PEX5L: variants seen among roughly 807,000 people sequenced by gnomAD.
PEX5L encodes peroxisomal biogenesis factor 5 like.
In PEX5L, 30 loss-of-function variants were observed where a neutral mutation model predicts 84.0. That is an observed-to-expected ratio of 0.36 (90% CI 0.27 to 0.48). The LOEUF (loss-of-function observed/expected upper bound fraction) is 0.48, where lower values mean the gene tolerates loss of function less well. Among genes scored for constraint, PEX5L ranks in the 20% least tolerant of loss-of-function variants. PEX5L has a pLI of 0.99. For synonymous variants in PEX5L, 270 were observed against 283.1 expected (o/e 0.95, Z 0.46); for missense variants, 533 against 754.6 (o/e 0.71, Z 3.44).
intron 2 of PEX5L, among the ~76,000 whole-genome samples, chr3:179,961,761 C>T (rs1782101882): frequency 6.6e-6 from 1 of 152,152 alleles, no homozygotes; most frequent in South Asian, 2.1e-4. Context: ...GTTTTCAAAG[C>T]CCTTCTGACA....
At chr3:179,850,078 T>A (rs911226990) in intron 8 of PEX5L, among the ~76,000 whole-genome samples, 1 of 152,166 alleles carries the variant, frequency 6.6e-6, no homozygotes, top group South Asian at 2.1e-4. Flanking sequence ...CCCTCTTTTT[T>A]AACTGATCAC....
At chr3:179,909,335 G>A (rs986720163) in intron 2 of PEX5L, among the ~76,000 whole-genome samples, 2 of 152,138 alleles carry the variant, frequency 1.3e-5, no homozygotes, top group Admixed American at 6.5e-5. Context: ...AGAGCAGAGA[G>A]ACTTAAATAT....
intron 8 of PEX5L, among the ~76,000 whole-genome samples, chr3:179,853,247 C>T (rs1742617026): frequency 6.6e-6 from 1 of 152,122 alleles, no homozygotes; most frequent in Non-Finnish European, 1.5e-5. Flanking sequence ...AGTGCCTGGC[C>T]CATGGAAGCA....
intron 1 of PEX5L, among the ~76,000 whole-genome samples, chr3:180,008,866 G>C (rs1364493686): frequency 6.6e-6 from 1 of 152,130 alleles, no homozygotes; most frequent in African/African-American, 2.4e-5. Context: ...AGAGAATATG[G>C]GTGGGGAGAC....
chr3:179,935,978 AT>A (rs1210544123), intron 2 of PEX5L, among the ~76,000 whole-genome samples: 34 of 152,296 alleles, frequency 2.2e-4, no homozygotes, highest in African/African-American at 7.7e-4. Flanking sequence ...AGCTGAGCAG[AT>A]GCCAGCACCA....
intron 1 of PEX5L, among the ~76,000 whole-genome samples, chr3:179,984,661 T>C (rs544147034): frequency 1.3e-5 from 2 of 152,338 alleles, no homozygotes; most frequent in African/African-American, 4.8e-5. Flanking sequence ...TTGTTTTTCC[T>C]TTCTCTAATA....
At chr3:179,877,961 C>A (rs989699348) in intron 5 of PEX5L, among the ~76,000 whole-genome samples, 2 of 151,350 alleles carry the variant, frequency 1.3e-5, no homozygotes, top group Non-Finnish European at 3.0e-5. Context: ...CCTTTCTTTA[C>A]AATCTATCCC....
At chr3:179,863,499 C>T (rs1283014451) in intron 7 of PEX5L, among the ~76,000 whole-genome samples, 3 of 151,992 alleles carry the variant, frequency 2.0e-5, no homozygotes, top group Non-Finnish European at 4.4e-5. Flanking sequence ...AAGAAAACAA[C>T]TTGATTTAAA....
At chr3:179,862,934 A>G (rs1315358335) in intron 7 of PEX5L, among the ~76,000 whole-genome samples, 1 of 152,234 alleles carries the variant, frequency 6.6e-6, no homozygotes, top group Non-Finnish European at 1.5e-5. Context: ...CTGCCTTCAA[A>G]ATATATTACA....
At chr3:179,812,640 T>C (rs1461214230) in intron 10 of PEX5L, among the ~76,000 whole-genome samples, 3 of 152,148 alleles carry the variant, frequency 2.0e-5, no homozygotes, top group African/African-American at 4.8e-5. Context: ...AGATAGCTTA[T>C]GTTTTTATAT....
intron 2 of PEX5L, among the ~76,000 whole-genome samples, chr3:179,940,760 G>T (rs1208600693): frequency 6.6e-6 from 1 of 152,188 alleles, no homozygotes; most frequent in Non-Finnish European, 1.5e-5. Context: ...TTAGAGAAAT[G>T]TCTCCTTCAT....
chr3:179,996,153 T>G (rs1055677554), intron 1 of PEX5L, among the ~76,000 whole-genome samples: 6 of 152,150 alleles, frequency 3.9e-5, no homozygotes, highest in African/African-American at 1.4e-4. Flanking sequence ...CCCTGTTAGC[T>G]TCTAGACCTA....
At chr3:180,029,989 C>T (rs1178615213) in intron 1 of PEX5L, among the ~76,000 whole-genome samples, 1 of 152,144 alleles carries the variant, frequency 6.6e-6, no homozygotes, top group African/African-American at 2.4e-5. Context: ...AATTTTTCTT[C>T]TTTCTCACTT....
chr3:179,832,868 G>C (rs1004248962), intron 8 of PEX5L, among the ~76,000 whole-genome samples: 1 of 148,404 alleles, frequency 6.7e-6, no homozygotes, highest in Non-Finnish European at 1.5e-5. Context: ...AACCTACCTA[G>C]TTACTTACCT....
chr3:179,855,561 G>T (rs1012418801), intron 8 of PEX5L, among the ~76,000 whole-genome samples: 2 of 152,150 alleles, frequency 1.3e-5, no homozygotes, highest in Admixed American at 1.3e-4. Flanking sequence ...AGCCACCCAA[G>T]AATAACTATT....
chr3:179,908,792 G>A (rs949260903), intron 2 of PEX5L, among the ~76,000 whole-genome samples: 10 of 152,274 alleles, frequency 6.6e-5, no homozygotes, highest in East Asian at 1.9e-4. Context: ...TACAAAGGAC[G>A]TGAACTCATC....
chr3:179,817,051 C>T (rs2108890899), intron 9 of PEX5L, among the ~76,000 whole-genome samples: 1 of 152,276 alleles, frequency 6.6e-6, no homozygotes, highest in Middle Eastern at 3.4e-3. Context: ...AAATATGAAT[C>T]CCACATACTG....
intron 2 of PEX5L, among the ~76,000 whole-genome samples, chr3:179,952,247 T>C (rs1173252192): frequency 6.6e-6 from 1 of 152,198 alleles, no homozygotes; most frequent in Non-Finnish European, 1.5e-5. Context: ...CTCTTGTCTC[T>C]TTAGGAAACA....
chr3:179,810,121 T>G (rs561447481), intron 11 of PEX5L, among the ~76,000 whole-genome samples: 2 of 147,732 alleles, frequency 1.4e-5, no homozygotes, highest in African/African-American at 5.0e-5. Context: ...TCAAGCGATT[T>G]TCCTGCCTCA....
Sources: allele counts gnomAD v4.1 joint callset (sites outside exome capture counted in the v4.1 genomes callset), GRCh38; gene constraint gnomAD v4.1.1; transcripts MANE v1.5; gene names NCBI Gene and HGNC (gene_info 2026-07-23, HGNC 2026-07-21).